LETM1: variants seen among roughly 807,000 people sequenced by gnomAD.
LETM1 encodes mitochondrial proton/calcium exchanger protein.
LETM1 carries 50 observed loss-of-function variants against 74.5 expected under a neutral mutation model. The observed-to-expected ratio is 0.67, with a 90% CI of 0.53 to 0.85. The LOEUF is 0.85. LETM1 is among the 40% of genes least tolerant of loss of function. The pLI, the probability that LETM1 is intolerant of heterozygous loss-of-function variation, is 0.00. For synonymous variants in LETM1, 446 were observed against 407.1 expected (o/e 1.10, Z -1.15); for missense variants, 824 against 967.8 (o/e 0.85, Z 1.97).
At chr4:1,849,050 C>G in intron 2 of LETM1, 99 bp downstream of exon 2, 1 of 800,660 alleles carries the variant, frequency 1.2e-6, no homozygotes, top group Non-Finnish European at 2.2e-6. Flanking sequence ...AAGTAGGATA[C>G]ACTGTTTCCC....
intron 1 of LETM1, among the ~76,000 whole-genome samples, chr4:1,851,533 G>A (rs1424403250): frequency 6.6e-6 from 1 of 152,230 alleles, no homozygotes; most frequent in African/African-American, 2.4e-5. Context: ...AGTCCGGTCT[G>A]TGAACTGGGA....
Position 1,832,956 on chromosome 4 carries a change from G to A in LETM1, c.877-9C>T. ...TCCCCTGTTTCCCGGATCTGCGGAA[G>A]TGGTCACAAGGGTCATCCCCGGGAC... On this transcript the variant is annotated splice_polypyrimidine_tract_variant and intron_variant, in intron 5 of 13. Transcript: ENST00000302787. The A allele has an allele frequency of 1.2e-6, 2 of 1,611,858 alleles. No individual in the cohort carries two copies. Among genetic ancestry groups the A allele is most frequent in the South Asian group, 2.2e-5 (2 of 90,988 alleles).
At chr4:1,824,514 G>A (rs994175979) in intron 7 of LETM1, among the ~76,000 whole-genome samples, 8 of 152,182 alleles carry the variant, frequency 5.3e-5, no homozygotes, top group Non-Finnish European at 1.0e-4. Context: ...AACTGAACAC[G>A]GGGCAAAACA....
intron 2 of LETM1, among the ~76,000 whole-genome samples, chr4:1,842,850 G>A (rs933752961): frequency 6.6e-6 from 1 of 152,202 alleles, no homozygotes; most frequent in Non-Finnish European, 1.5e-5. Flanking sequence ...TCATCTGACC[G>A]CAGCGTGGTG....
chr4:1,820,934 G>C (rs1711752998), intron 10 of LETM1, among the ~76,000 whole-genome samples: 1 of 151,982 alleles, frequency 6.6e-6, no homozygotes, highest in Non-Finnish European at 1.5e-5. Context: ...TGAGGCAGGA[G>C]AATCACTTGA....
intron 6 of LETM1, among the ~76,000 whole-genome samples, chr4:1,826,651 C>A (rs745523399): frequency 2.0e-5 from 3 of 152,260 alleles, no homozygotes; most frequent in Non-Finnish European, 4.4e-5. Flanking sequence ...CGGGTTAGGC[C>A]TCTCACTGCC....
At chr4:1,815,020 C>T (rs778437322) in intron 13 of LETM1, among the ~76,000 whole-genome samples, 34 of 152,226 alleles carry the variant, frequency 2.2e-4, no homozygotes, top group African/African-American at 7.0e-4. Context: ...TTCTGTTAGA[C>T]GTCTGGAAAA....
chr4:1,827,909 T>A (rs149412962), intron 6 of LETM1, among the ~76,000 whole-genome samples: 1 of 108,552 alleles, frequency 9.2e-6, no homozygotes, highest in African/African-American at 3.5e-5. Context: ...GGCGGCTGGC[T>A]GGGCGGGGGG....
At chr4:1,840,392 G>A (rs972045363) in intron 3 of LETM1, among the ~76,000 whole-genome samples, 3 of 150,734 alleles carry the variant, frequency 2.0e-5, no homozygotes, top group African/African-American at 7.3e-5. Context: ...ATAAGGTTGG[G>A]CGCGGTGGTT....
chr4:1,827,909 T>C (rs149412962), intron 6 of LETM1, among the ~76,000 whole-genome samples: 1,770 of 107,716 alleles, frequency 0.016, 29 homozygotes, highest in African/African-American at 0.054. Context: ...GGCGGCTGGC[T>C]GGGCGGGGGG....
At chr4:1,850,515 A>G (rs953684488) in intron 1 of LETM1, among the ~76,000 whole-genome samples, 4 of 151,798 alleles carry the variant, frequency 2.6e-5, no homozygotes, top group African/African-American at 9.7e-5. Context: ...AATTACTACA[A>G]CCGGACCGGG....
chr4:1,839,815 G>C (rs1174361133), intron 3 of LETM1, among the ~76,000 whole-genome samples: 1 of 152,240 alleles, frequency 6.6e-6, no homozygotes, highest in Non-Finnish European at 1.5e-5. Context: ...CCAGAAAGCT[G>C]AACACGGTAG....
chr4:1,845,859 A>G (rs1712867068), intron 2 of LETM1, among the ~76,000 whole-genome samples: 2 of 145,654 alleles, frequency 1.4e-5, no homozygotes, highest in South Asian at 2.2e-4. Context: ...CATAATTATT[A>G]TATTATTATT....
Position 1,814,411 on chromosome 4 carries a change from C to T in LETM1, c.*13G>A. 1 of 1,614,250 alleles carries T rather than the reference C, an allele frequency of 6.2e-7. No homozygotes were observed. The highest frequency in any genetic ancestry group is 1.7e-4 in the Middle Eastern group (1 of 6,058). ...ACGGCACAGCAGGAGGACAGGTGCC[C>T]AGGCCAGTGGTTCTAGCTCTTCACC... On this transcript the variant is annotated 3_prime_UTR_variant, in exon 14 of 14. Transcript: ENST00000302787.
At chr4:1,822,726 C>A (rs1406861589) in intron 9 of LETM1, 3 of 380,164 alleles carry the variant, frequency 7.9e-6, no homozygotes, top group Non-Finnish European at 1.4e-5. Flanking sequence ...GTGGGCACTG[C>A]CATATGCTAA....
In LETM1 at chr4:1,815,675, C is replaced by T. The variant is rs757473331; in HGVS notation, c.2059G>A (p.Asp687Asn). 9 of 1,614,190 alleles carry T rather than the reference C, an allele frequency of 5.6e-6. No individual in the cohort carries two copies. The highest frequency in any genetic ancestry group is 3.3e-5 in the Admixed American group (2 of 60,030). ...ENKDGKVNID[D>N]LVKVIELVDK... ...CCAGCGAGGCCCACCTTGACGAGGT[C>T]GTCGATGTTGACCTTGCCATCCTTG... The change falls in exon 13 of 14, where the codon GAC becomes AAC. Residue 687 changes from aspartate to asparagine, a missense_variant. Transcript: ENST00000302787.
At chr4:1,853,430 C>T (rs771471029) in intron 1 of LETM1, among the ~76,000 whole-genome samples, 9 of 152,362 alleles carry the variant, frequency 5.9e-5, no homozygotes, top group Non-Finnish European at 1.0e-4. Flanking sequence ...CATGGAGCCT[C>T]GGCGGGATAT....
chr4:1,816,645 G>A (rs1711579131), intron 12 of LETM1, 82 bp downstream of exon 12: 1 of 1,385,136 alleles, frequency 7.2e-7, no homozygotes, highest in African/African-American at 1.4e-5. Flanking sequence ...GGAGCCAGAA[G>A]GGCCCAGCTC....
At chr4:1,832,977 G>C in intron 5 of LETM1, 30 bp from the exon 6 acceptor site, 2 of 1,606,468 alleles carry the variant, frequency 1.2e-6, no homozygotes, top group Non-Finnish European at 1.7e-6. Context: ...GGTCATCCCC[G>C]GGACACGCGC....
Sources: gnomAD v4.1 joint callset for allele counts (sites outside exome capture counted in the v4.1 genomes callset) on GRCh38, gnomAD v4.1.1 for gene constraint, MANE v1.5 for transcripts, NCBI Gene and HGNC (gene_info 2026-07-23, HGNC 2026-07-21) for gene names.